Variants in PCDH15 observed in about 807,000 individuals in gnomAD.
The protein encoded by PCDH15 is protocadherin-15.
Under a neutral mutation model 178.5 loss-of-function variants are expected in PCDH15, and 129 were observed. That is an observed-to-expected ratio of 0.72 (90% CI 0.63 to 0.84). The LOEUF (loss-of-function observed/expected upper bound fraction) is 0.84. PCDH15 is among the 40% of genes least tolerant of loss of function. The pLI is 0.00. For synonymous variants in PCDH15, 800 were observed against 732.0 expected, an observed-to-expected ratio of 1.09 and a Z score of -1.50; for missense variants, 2,230 against 2,099.9, an observed-to-expected ratio of 1.06 and a Z score of -1.21.
chr10:53,823,795 T>C (rs1172515082), intron 32 of PCDH15: 5 of 456,712 alleles, frequency 1.1e-5, no homozygotes, highest in South Asian at 3.1e-5. Context: ...TCTGATTCAG[T>C]ACTTCTGTCC....
chr10:55,271,160 G>T (rs1308385673), intron 1 of PCDH15, among the ~76,000 whole-genome samples: 1 of 151,882 alleles, frequency 6.6e-6, no homozygotes, highest in East Asian at 1.9e-4. Flanking sequence ...GGTGGGCAGG[G>T]GGTGAAAAAC....
intron 2 of PCDH15, among the ~76,000 whole-genome samples, chr10:55,331,026 T>C (rs779788552): frequency 2.0e-5 from 3 of 151,942 alleles, no homozygotes; most frequent in Admixed American, 6.6e-5. Context: ...TGACATGTTA[T>C]CCATTATACT....
chr10:54,041,587 C>T (rs910156054), intron 18 of PCDH15, among the ~76,000 whole-genome samples: 6 of 151,918 alleles, frequency 3.9e-5, no homozygotes, highest in African/African-American at 1.5e-4. Flanking sequence ...GACTTTTAAC[C>T]CGGCCTCCTG....
At chr10:55,237,846 A>G (rs1399910543) in intron 1 of PCDH15, among the ~76,000 whole-genome samples, 2 of 152,150 alleles carry the variant, frequency 1.3e-5, no homozygotes, top group Admixed American at 6.5e-5. Flanking sequence ...AAAATGGAAC[A>G]TAACAACACA....
At chr10:54,195,974 G>T in intron 10 of PCDH15, 85 bp from the exon 11 acceptor site, 1 of 1,234,478 alleles carries the variant, frequency 8.1e-7, no homozygotes, top group Non-Finnish European at 1.2e-6. Context: ...AATATATAGG[G>T]TTCTCTTTTT....
intron 2 of PCDH15, among the ~76,000 whole-genome samples, chr10:54,653,065 T>C (rs2094297503): frequency 6.6e-6 from 1 of 152,214 alleles, no homozygotes; most frequent in South Asian, 2.1e-4. Flanking sequence ...TTGCCTTATT[T>C]GAACTCATGA....
intron 6 of PCDH15, among the ~76,000 whole-genome samples, chr10:54,331,074 CAGAG>C (rs747270334): frequency 1.3e-5 from 2 of 150,720 alleles, no homozygotes; most frequent in South Asian, 2.1e-4. Flanking sequence ...GAGAGAGAAA[CAGAG>C]AGAGAGAGGA....
At chr10:54,238,694 C>T (rs1298549463) in intron 8 of PCDH15, among the ~76,000 whole-genome samples, 4 of 151,566 alleles carry the variant, frequency 2.6e-5, no homozygotes, top group Non-Finnish European at 5.9e-5. Context: ...CACACACACA[C>T]ACACACACAC....
intron 2 of PCDH15, chr10:55,468,439 A>G (rs778646275): frequency 6.6e-6 from 1 of 152,188 alleles, no homozygotes; most frequent in Non-Finnish European, 1.5e-5. Context: ...GAAAGGCCAC[A>G]ATATTCTTAA....
upstream of PCDH15, among the ~76,000 whole-genome samples, chr10:55,324,188 C>A (rs1050582606): frequency 1.3e-5 from 2 of 152,092 alleles, no homozygotes; most frequent in African/African-American, 2.4e-5. Flanking sequence ...ATTTCCTTTA[C>A]AAGTTACCCA....
chr10:54,379,018 C>T, intron 3 of PCDH15, 76 bp from the exon 4 acceptor site: 9 of 1,531,190 alleles, frequency 5.9e-6, no homozygotes, highest in Non-Finnish European at 8.1e-6. Flanking sequence ...GCTCTTAAAC[C>T]GCGGCTGGCT....
At chr10:55,597,294 A>C (rs1287287302) in intron 2 of PCDH15, 1 of 152,186 alleles carries the variant, frequency 6.6e-6, no homozygotes, top group Non-Finnish European at 1.5e-5. Flanking sequence ...ACGTACGTTC[A>C]CGCAGATACG....
At chr10:54,164,579 A>G (rs1396920478) in intron 13 of PCDH15, among the ~76,000 whole-genome samples, 1 of 152,216 alleles carries the variant, frequency 6.6e-6, no homozygotes, top group Non-Finnish European at 1.5e-5. Context: ...TGTTAAAGAA[A>G]TATCAGAACA....
At chr10:53,829,834 C>T (rs1427134462) in intron 30 of PCDH15, among the ~76,000 whole-genome samples, 1 of 152,158 alleles carries the variant, frequency 6.6e-6, no homozygotes, top group Non-Finnish European at 1.5e-5. Flanking sequence ...TTGGAAGGTC[C>T]TACTTCTGTG....
At chr10:55,494,099 T>C (rs1238834089) in intron 2 of PCDH15, among the ~76,000 whole-genome samples, 2 of 151,338 alleles carry the variant, frequency 1.3e-5, no homozygotes, top group Non-Finnish European at 2.9e-5. Context: ...AATCTGCTGT[T>C]GGATAAAATG....
chr10:54,742,946 A>G (rs1290120816), intron 1 of PCDH15, among the ~76,000 whole-genome samples: 1 of 152,104 alleles, frequency 6.6e-6, no homozygotes, highest in African/African-American at 2.4e-5. Flanking sequence ...GTCTTACAAT[A>G]TTCACCATAA....
chr10:55,358,794 A>T (rs1355912650), intron 2 of PCDH15, among the ~76,000 whole-genome samples: 9 of 152,180 alleles, frequency 5.9e-5, no homozygotes. Context: ...TATTTTTGCC[A>T]GAGATGAAAG....
chr10:54,818,017 A>G (rs1952976155), intron 3 of PCDH15, among the ~76,000 whole-genome samples: 2 of 152,050 alleles, frequency 1.3e-5, no homozygotes, highest in African/African-American at 4.8e-5. Flanking sequence ...TGATCTTAGC[A>G]TAAAGCTTAG....
chr10:54,254,641 G>C (rs956916816), intron 8 of PCDH15, among the ~76,000 whole-genome samples: 1 of 152,000 alleles, frequency 6.6e-6, no homozygotes, highest in Non-Finnish European at 1.5e-5. Context: ...GGGAGATTAG[G>C]GTCTTTTTGT....
Sources: gnomAD v4.1 joint callset for allele counts (sites outside exome capture counted in the v4.1 genomes callset) on GRCh38, gnomAD v4.1.1 for gene constraint, MANE v1.5 for transcripts, NCBI Gene and HGNC (gene_info 2026-07-23, HGNC 2026-07-21) for gene names.